The following PALM2AKAP2 variants were observed in gnomAD, a reference collection of about 807,000 sequenced individuals.
PALM2AKAP2 encodes PALM2 and AKAP2 fusion.
A neutral mutation model predicts 71.5 loss-of-function variants in PALM2AKAP2; 37 were observed. That is an observed-to-expected ratio of 0.52 (90% CI 0.40 to 0.68). PALM2AKAP2 has a LOEUF of 0.68. PALM2AKAP2 is among the 30% of genes least tolerant of loss of function. The probability of loss-of-function intolerance (pLI) is 0.00; values close to 1 mark genes in which losing one functional copy is unlikely to be tolerated. For missense variants in PALM2AKAP2, 1,224 were observed against 1,191.8 expected, an observed-to-expected ratio of 1.03 and a Z score of -0.40; for synonymous variants, 468 against 478.8, an observed-to-expected ratio of 0.98 and a Z score of 0.29.
intron 1 of PALM2AKAP2, among the ~76,000 whole-genome samples, chr9:109,696,425 G>C (rs1010469519): frequency 6.6e-6 from 1 of 152,190 alleles, no homozygotes; most frequent in African/African-American, 2.4e-5. Flanking sequence ...GATTGACAAA[G>C]ATTAAAAAAT....
chr9:109,720,416 C>T (rs1272783301), intron 1 of PALM2AKAP2, among the ~76,000 whole-genome samples: 1 of 152,122 alleles, frequency 6.6e-6, no homozygotes, highest in Admixed American at 6.6e-5. Context: ...TCTGAAGCAT[C>T]TGAATGTAGA....
intron 1 of PALM2AKAP2, chr9:110,090,334 G>A (rs1434079505): frequency 6.6e-6 from 3 of 456,518 alleles, no homozygotes; most frequent in Non-Finnish European, 8.8e-6. Flanking sequence ...GAAGCTGTAG[G>A]CACAGTGGGT....
At chr9:109,956,010 A>ATT (rs879853381) in intron 6 of PALM2AKAP2, among the ~76,000 whole-genome samples, 5 of 143,594 alleles carry the variant, frequency 3.5e-5, no homozygotes, top group Non-Finnish European at 6.1e-5. Context: ...GGAAAGACTA[A>ATT]TTTTTTTTTT....
intron 1 of PALM2AKAP2, among the ~76,000 whole-genome samples, chr9:109,702,249 C>G (rs1448585209): frequency 6.6e-6 from 1 of 151,954 alleles, no homozygotes; most frequent in East Asian, 1.9e-4. Context: ...GGGTATATAC[C>G]CAAAGGATTA....
chr9:109,759,826 A>G (rs1829023035), intron 1 of PALM2AKAP2, among the ~76,000 whole-genome samples: 1 of 152,098 alleles, frequency 6.6e-6, no homozygotes, highest in Non-Finnish European at 1.5e-5. Flanking sequence ...AATTTCCTAT[A>G]CTGATCATAG....
At chr9:110,102,547 G>A (rs1423901310) in intron 1 of PALM2AKAP2, among the ~76,000 whole-genome samples, 2 of 151,994 alleles carry the variant, frequency 1.3e-5, no homozygotes, top group Non-Finnish European at 2.9e-5. Context: ...CTTTTCTGGG[G>A]CCATGGAGTT....
At chr9:110,081,760 T>C (rs1054557446) in intron 1 of PALM2AKAP2, among the ~76,000 whole-genome samples, 32 of 152,066 alleles carry the variant, frequency 2.1e-4, no homozygotes, top group African/African-American at 7.0e-4. Context: ...CTTCTCTGCT[T>C]GTGCTGGGTC....
chr9:109,667,771 C>G (rs1827510187), intron 1 of PALM2AKAP2, among the ~76,000 whole-genome samples: 1 of 152,022 alleles, frequency 6.6e-6, no homozygotes, highest in African/African-American at 2.4e-5. Flanking sequence ...CCAGCCTGGG[C>G]ATTGGAGTGA....
rs117458136 is a variant in PALM2AKAP2, at chr9:109,910,044, G to C, written c.258-13691G>C. On this transcript the variant is annotated intron_variant, in intron 3 of 9. Coordinates refer to the PALM2AKAP2 transcript ENST00000302798. ...AAGGTTGTTGCAGGCATTTAGGAGA[G>C]AGCCTATACTAGGGCTGAAGAGAAG... is the stretch of plus-strand genomic sequence containing the variant. Among the ~76,000 whole-genome samples the C allele has an allele frequency of 1.3e-3, 200 of 152,316 alleles. 2 individuals carry two copies. The highest frequency in any genetic ancestry group is 1.3e-3 in the Non-Finnish European group (88 of 68,026).
intron 7 of PALM2AKAP2, among the ~76,000 whole-genome samples, chr9:110,036,630 T>A (rs539367742): frequency 6.6e-6 from 1 of 152,246 alleles, no homozygotes; most frequent in Admixed American, 6.5e-5. Flanking sequence ...CCAAATCAAG[T>A]CATTTTTCTG....
chr9:109,833,764 A>C (rs1828375853), intron 1 of PALM2AKAP2, among the ~76,000 whole-genome samples: 1 of 152,222 alleles, frequency 6.6e-6, no homozygotes, highest in South Asian at 2.1e-4. Context: ...AAGAAAAGTA[A>C]TGATTGCCAC....
intron 1 of PALM2AKAP2, among the ~76,000 whole-genome samples, chr9:109,823,270 G>A (rs1337178040): frequency 6.6e-6 from 1 of 152,118 alleles, no homozygotes; most frequent in African/African-American, 2.4e-5. Context: ...ACCAGAGATG[G>A]TCAAATGGAC....
chr9:110,087,355 C>T (rs1253265443), intron 1 of PALM2AKAP2, among the ~76,000 whole-genome samples: 7 of 152,252 alleles, frequency 4.6e-5, no homozygotes, highest in African/African-American at 1.4e-4. Context: ...GTCTTGATCA[C>T]TGCACAGTAC....
intron 1 of PALM2AKAP2, among the ~76,000 whole-genome samples, chr9:109,797,024 C>G (rs569224183): frequency 6.6e-6 from 1 of 152,278 alleles, no homozygotes; most frequent in South Asian, 2.1e-4. Context: ...GTCTTATCCC[C>G]AAACGCCCTG....
chr9:110,094,479 A>G (rs1834788077), intron 1 of PALM2AKAP2, among the ~76,000 whole-genome samples: 1 of 152,208 alleles, frequency 6.6e-6, no homozygotes, highest in African/African-American at 2.4e-5. Context: ...CAGGCTGTAT[A>G]GGAGGCATGG....
intron 1 of PALM2AKAP2, among the ~76,000 whole-genome samples, chr9:109,841,287 G>T (rs1325410992): frequency 6.9e-6 from 1 of 144,524 alleles, no homozygotes; most frequent in Non-Finnish European, 1.5e-5. Context: ...AACACCGCAT[G>T]TTCTCACTCA....
chr9:109,869,651 T>TTCCATCCATCCATCCA (rs59271161), intron 2 of PALM2AKAP2, among the ~76,000 whole-genome samples: 51,424 of 149,918 alleles, frequency 0.34, 9,089 homozygotes, highest in South Asian at 0.4. Flanking sequence ...TCATCCATCT[T>TTCCATCCATCCATCCA]TCCATCCATC....
chr9:109,656,279 G>T (rs1231340283), intron 1 of PALM2AKAP2, among the ~76,000 whole-genome samples: 1 of 152,138 alleles, frequency 6.6e-6, no homozygotes, highest in Non-Finnish European at 1.5e-5. Context: ...GAGATGCTGG[G>T]GGAGAAGAGG....
intron 2 of PALM2AKAP2, among the ~76,000 whole-genome samples, chr9:109,873,564 A>G (rs1472232405): frequency 6.6e-6 from 1 of 152,228 alleles, no homozygotes; most frequent in African/African-American, 2.4e-5. Flanking sequence ...CAGATTACAA[A>G]TGAATGAAAG....
Sources: gnomAD v4.1 joint callset for allele counts (sites outside exome capture counted in the v4.1 genomes callset) on GRCh38, gnomAD v4.1.1 for gene constraint, MANE v1.5 for transcripts, NCBI Gene and HGNC (gene_info 2026-07-23, HGNC 2026-07-21) for gene names.